The following DECR1 variants were observed in gnomAD, a reference collection of about 807,000 sequenced individuals.
DECR1 encodes the protein 2,4-dienoyl-CoA reductase [(3E)-enoyl-CoA-producing], mitochondrial.
A neutral mutation model predicts 38.8 loss-of-function variants in DECR1; 44 were observed. The ratio of observed to expected loss-of-function variants is 1.13; its 90% CI spans 0.89 to 1.46. DECR1 has a LOEUF of 1.46. Ranked by LOEUF, DECR1 falls within the 40% of genes most tolerant of loss-of-function variation. DECR1 has a pLI of 0.00. For missense variants in DECR1, 428 were observed against 405.5 expected (o/e 1.06, Z -0.48); for synonymous variants, 148 against 135.2 (o/e 1.09, Z -0.66).
intron 6 of DECR1, among the ~76,000 whole-genome samples, chr8:90,041,284 CTG>C (rs1202439365): frequency 2.0e-5 from 3 of 152,042 alleles, no homozygotes; most frequent in Non-Finnish European, 4.4e-5. Context: ...TGAGAAGCGT[CTG>C]TTCATATCCT....
intron 1 of DECR1, among the ~76,000 whole-genome samples, chr8:90,004,976 A>G (rs1812704881): frequency 6.6e-6 from 1 of 152,230 alleles, no homozygotes; most frequent in African/African-American, 2.4e-5. Flanking sequence ...TAATGCATAT[A>G]TGACCCAAAC....
chr8:90,043,884 C>T (rs1210167115), intron 7 of DECR1, among the ~76,000 whole-genome samples: 1 of 152,114 alleles, frequency 6.6e-6, no homozygotes, highest in Non-Finnish European at 1.5e-5. Context: ...CTCTCCAAGA[C>T]CCCAATATCT....
chr8:90,050,724 C>CTATTT (rs1393818629), intron 8 of DECR1, among the ~76,000 whole-genome samples: 1 of 152,112 alleles, frequency 6.6e-6, no homozygotes, highest in Non-Finnish European at 1.5e-5. Context: ...CACATGCACA[C>CTATTT]GTATGTTTAT....
intron 1 of DECR1, among the ~76,000 whole-genome samples, chr8:90,002,826 G>T (rs913138422): frequency 8.5e-5 from 13 of 152,066 alleles, no homozygotes; most frequent in African/African-American, 3.1e-4. Context: ...CATTATAAAG[G>T]AAGCCCATAT....
chr8:90,013,211 T>C (rs1812928098), intron 1 of DECR1, among the ~76,000 whole-genome samples: 1 of 152,178 alleles, frequency 6.6e-6, no homozygotes, highest in South Asian at 2.1e-4. Context: ...AACTAAGTGC[T>C]CAAAAGATAA....
At chr8:90,024,496 G>A (rs934119205) in intron 5 of DECR1, among the ~76,000 whole-genome samples, 3 of 152,226 alleles carry the variant, frequency 2.0e-5, no homozygotes, top group African/African-American at 7.2e-5. Flanking sequence ...TCATGTGTCT[G>A]TTGGCTGCAT....
chr8:90,018,708 T>G (rs1055314326), intron 2 of DECR1: 4 of 503,208 alleles, frequency 7.9e-6, no homozygotes, highest in Non-Finnish European at 1.4e-5. Context: ...GGTTTAAAAG[T>G]GACTAATTCA....
chr8:90,012,679 G>A (rs965095712), intron 1 of DECR1, among the ~76,000 whole-genome samples: 2 of 152,084 alleles, frequency 1.3e-5, no homozygotes, highest in Non-Finnish European at 2.9e-5. Context: ...TGCCTAACTG[G>A]TGCCAGAAAC....
rs1230089003 is a variant in DECR1 at position 90,052,028 on chromosome 8, C to T, written c.*131C>T. On this transcript the variant is annotated 3_prime_UTR_variant, in exon 10 of 10. Coordinates refer to ENST00000220764, the MANE Select transcript of DECR1 (RefSeq NM_001359.2). ...CATTCATTGAATATGTATTATGTGC[C>T]AGGCCAGTGATAGCCATTGTATATT... 1.2e-5 allele frequency: 9 copies of T among 750,414 alleles called. No individual in the cohort carries two copies. The highest frequency in any genetic ancestry group is 2.0e-5 in the Non-Finnish European group (9 of 454,812). 46.5% of individuals were successfully genotyped at this position (750,414 alleles called of 1,614,324 possible).
At chr8:90,005,965 GA>G (rs1240967220) in intron 1 of DECR1, 1 of 513,782 alleles carries the variant, frequency 1.9e-6, no homozygotes, top group African/African-American at 1.9e-5. Flanking sequence ...AGGGTGTTGG[GA>G]GGTGCCAGGT....
At chr8:90,002,682 T>C (rs1353502942) in intron 1 of DECR1, among the ~76,000 whole-genome samples, 1 of 152,210 alleles carries the variant, frequency 6.6e-6, no homozygotes, top group Non-Finnish European at 1.5e-5. Flanking sequence ...GCAGCAGTAG[T>C]TCCAAATAGG....
At chr8:90,028,177 C>T (rs1813402092) in intron 5 of DECR1, among the ~76,000 whole-genome samples, 1 of 152,082 alleles carries the variant, frequency 6.6e-6, no homozygotes, top group African/African-American at 2.4e-5. Context: ...GAAATTGTTA[C>T]TTTAACCTGA....
chr8:90,005,601 A>G (rs746928330), intron 1 of DECR1: 13 of 372,498 alleles, frequency 3.5e-5, no homozygotes, highest in Non-Finnish European at 5.7e-5. Context: ...GCTGGCTCCC[A>G]AAAGGAAGAA....
chr8:90,021,606 C>T (rs774275515), intron 5 of DECR1, among the ~76,000 whole-genome samples: 9 of 152,170 alleles, frequency 5.9e-5, no homozygotes, highest in African/African-American at 1.4e-4. Context: ...ACAAAGAATG[C>T]GACTTGATTG....
chr8:90,021,325 G>A (rs1160122030), intron 5 of DECR1, among the ~76,000 whole-genome samples: 1 of 152,326 alleles, frequency 6.6e-6, no homozygotes, highest in African/African-American at 2.4e-5. Context: ...TGCAACTTAA[G>A]CTGAAAGTTC....
chr8:90,040,833 A>G (rs1586162248), intron 6 of DECR1, among the ~76,000 whole-genome samples: 1 of 152,276 alleles, frequency 6.6e-6, no homozygotes, highest in Admixed American at 6.5e-5. Context: ...ACAGTATTCC[A>G]TGGTGTATAT....
rs1430439048 is a variant in DECR1 at position 90,053,547 on chromosome 8, C to G, written c.*1650C>G. 1.3e-5 allele frequency among the ~76,000 whole-genome samples: 2 copies of G among 152,160 alleles called. No homozygotes were observed. Among genetic ancestry groups the G allele is most frequent in the Non-Finnish European group, 2.9e-5 (2 of 68,026 alleles). ...GACACACTCTTTCCCTCCACTGATTCCACCAGTATAGCCATATTTCTCTTT... is the reference window on the plus strand; with the variant it reads ...GACACACTCTTTCCCTCCACTGATTGCACCAGTATAGCCATATTTCTCTTT... On this transcript the variant is annotated 3_prime_UTR_variant, in exon 10 of 10. Coordinates refer to ENST00000220764, the MANE Select transcript of DECR1 (RefSeq NM_001359.2).
At chr8:90,011,823 G>A (rs1812889651) in intron 1 of DECR1, among the ~76,000 whole-genome samples, 1 of 152,044 alleles carries the variant, frequency 6.6e-6, no homozygotes, top group African/African-American at 2.4e-5. Context: ...CCTGCATGTG[G>A]ATTTGCTGGG....
intron 1 of DECR1, among the ~76,000 whole-genome samples, chr8:90,003,574 G>C (rs997853188): frequency 2.0e-5 from 3 of 152,152 alleles, no homozygotes; most frequent in African/African-American, 7.2e-5. Context: ...GGCATTCTTT[G>C]GCAATTTGTG....
Sources: allele counts gnomAD v4.1 joint callset (sites outside exome capture counted in the v4.1 genomes callset), GRCh38; gene constraint gnomAD v4.1.1; transcripts MANE v1.5; gene names NCBI Gene and HGNC (gene_info 2026-07-23, HGNC 2026-07-21).